Variants in SRC observed in about 807,000 individuals in gnomAD.
SRC encodes the protein proto-oncogene tyrosine-protein kinase Src.
A neutral mutation model predicts 62.9 loss-of-function variants in SRC; 13 were observed. The ratio of observed to expected loss-of-function variants is 0.21; its 90% CI spans 0.13 to 0.33. The LOEUF is 0.33. Ranked by LOEUF, SRC falls within the 10% of genes least tolerant of loss-of-function variation. The pLI is 1.00. For missense variants in SRC, 457 were observed against 737.3 expected, an observed-to-expected ratio of 0.62 and a Z score of 4.40; for synonymous variants, 302 against 317.5, an observed-to-expected ratio of 0.95 and a Z score of 0.52.
chr20:37,378,988 T>G (rs1248446509), intron 2 of SRC, among the ~76,000 whole-genome samples: 1 of 79,594 alleles, frequency 1.3e-5, no homozygotes, highest in Non-Finnish European at 2.3e-5. Context: ...TGTGCAGGGG[T>G]TGTCGCTGAG....
chr20:37,400,072 G>A (rs1425381162), intron 9 of SRC, 43 bp from the exon 10 acceptor site: 1 of 1,545,076 alleles, frequency 6.5e-7, no homozygotes, highest in East Asian at 2.3e-5. Context: ...TGTGGTAGGA[G>A]TTGGGGGGCT....
intron 2 of SRC, among the ~76,000 whole-genome samples, chr20:37,370,338 AC>A (rs1453604776): frequency 6.6e-6 from 1 of 152,168 alleles, no homozygotes; most frequent in South Asian, 2.1e-4. Context: ...ACTTTGGGAG[AC>A]CAAGGCGGGA....
intron 2 of SRC, among the ~76,000 whole-genome samples, chr20:37,370,831 G>C (rs2070151898): frequency 6.6e-6 from 1 of 152,084 alleles, no homozygotes; most frequent in Non-Finnish European, 1.5e-5. Flanking sequence ...GAGAAGAACT[G>C]GTATAATTTC....
At chr20:37,359,344 G>C (rs1477167147) in intron 1 of SRC, among the ~76,000 whole-genome samples, 1 of 152,244 alleles carries the variant, frequency 6.6e-6, no homozygotes, top group African/African-American at 2.4e-5. Context: ...ACATTCTAGA[G>C]GGGGAGACAG....
intron 2 of SRC, among the ~76,000 whole-genome samples, chr20:37,378,403 C>G (rs149715462): frequency 2.2e-3 from 329 of 152,240 alleles, no homozygotes; most frequent in African/African-American, 7.4e-3. Flanking sequence ...GCTACAGGTC[C>G]AGTACCACAT....
Position 37,403,995 on chromosome 20 carries a change from AG to A in SRC, c.*617del. On this transcript the variant is annotated 3_prime_UTR_variant, in exon 14 of 14. Transcript: ENST00000373578. This position sits in a 1 kb window ranked among gnomAD's most constrained non-coding sequence, Gnocchi z 7.1. ...TACCCCCTCAAACCCTGCCCTCCTT[AG>A]ACCTGAGGGACCCTTCGAGATCATC... 1 of 236,790 alleles carries A rather than the reference AG, an allele frequency of 4.2e-6. No homozygotes were observed. The allele number at this position is 236,790 out of a possible 1,614,324, so 14.7% of individuals were successfully genotyped here.
Position 37,396,077 on chromosome 20 carries a change from T to C in SRC, c.554-85T>C. 6.5e-7 allele frequency: 1 copy of C among 1,534,820 alleles called. No homozygotes were observed. The highest frequency in any genetic ancestry group is 1.2e-5 in the South Asian group (1 of 82,018). On this transcript the variant is annotated intron_variant, in intron 7 of 13. Transcript: ENST00000373578. The surrounding 1 kb of genome is among the most constrained non-coding windows in gnomAD (Gnocchi z 6.1). ...GCCTGGGCCTCCCTTCCCTCCAATG[T>C]CAGGCAGGCACAGAACGGTGTCCAG...
At position 37,402,263 on chromosome 20, in the gene SRC, C is replaced by T; in HGVS notation, c.1117-172C>T. 2 of 728,708 alleles carry T rather than the reference C, an allele frequency of 2.7e-6. No individual in the cohort carries two copies. The highest frequency in any genetic ancestry group is 1.8e-5 in the African/African-American group (1 of 56,410). The allele number at this position is 728,708 out of a possible 1,614,324, so 45.1% of individuals were successfully genotyped here. A position where few individuals can be genotyped will look rare whatever the true frequency, so the allele number is the denominator to read the frequency against. On this transcript the variant is annotated intron_variant, in intron 11 of 13. Coordinates refer to ENST00000373578, the MANE Select transcript of SRC (RefSeq NM_198291.3). The surrounding 1 kb of genome is among the most constrained non-coding windows in gnomAD (Gnocchi z 6.2). Reference sequence around the variant, plus strand: ...CCCTGTGCTCCCTACTCCCGCAGAGCACTGCTCCTGCTTTCGATGCCAACA... The same window carrying T: ...CCCTGTGCTCCCTACTCCCGCAGAGTACTGCTCCTGCTTTCGATGCCAACA...
upstream of SRC, among the ~76,000 whole-genome samples, chr20:37,345,965 C>G (rs1373790108): frequency 6.6e-6 from 1 of 151,746 alleles, no homozygotes; most frequent in Admixed American, 6.5e-5. Context: ...CCCGGGTCAC[C>G]GGCGGGGAAT....
intron 2 of SRC, among the ~76,000 whole-genome samples, chr20:37,381,588 A>G (rs2070365963): frequency 6.6e-6 from 1 of 152,182 alleles, no homozygotes; most frequent in Admixed American, 6.5e-5. Flanking sequence ...CTGAGGCAGG[A>G]CCTGGCTAAT....
rs1472684748 is a variant in SRC, at chr20:37,346,232, G to A, written c.-270G>A. On this transcript the variant is annotated 5_prime_UTR_variant, in exon 1 of 14. Coordinates refer to ENST00000373578, the MANE Select transcript of SRC (RefSeq NM_198291.3). ...CCCTCCCGTGCGTCCGTCTGCCGGT[G>A]AGCCCGCCCGCCCGCCGGCCCAGGT... is the stretch of plus-strand genomic sequence containing the variant. 1.3e-5 allele frequency: 2 copies of A among 150,594 alleles called. No homozygotes were observed. The highest frequency in any genetic ancestry group is 3.0e-5 in the Non-Finnish European group (2 of 67,298). 9.3% of individuals were successfully genotyped at this position (150,594 alleles called of 1,614,324 possible). A position where few individuals can be genotyped will look rare whatever the true frequency, so the allele number is the denominator to read the frequency against.
rs61476973 is a variant in SRC at position 37,360,218 on chromosome 20, C to CTTTTTTTTTTTT, written c.-246-4977_-246-4966dup. On this transcript the variant is annotated intron_variant, in intron 1 of 13. Transcript: ENST00000373578. The stretch of plus-strand genomic sequence containing the variant: ...AATTTCTTTCTCTTTCTCTCTCTCT[C>CTTTTTTTTTTTT]TTTTTTTTTTTTTTTTTTTTGGTGA... 2.4e-3 allele frequency among the ~76,000 whole-genome samples: 257 copies of CTTTTTTTTTTTT among 105,614 alleles called. 20 individuals carry two copies. The highest frequency in any genetic ancestry group is 8.4e-3 in the African/African-American group (176 of 20,932). The allele number at this position is 105,614 out of a possible 152,430, so 69.3% of individuals were successfully genotyped here.
chr20:37,382,072 C>G (rs744285), intron 2 of SRC, among the ~76,000 whole-genome samples: 1 of 152,130 alleles, frequency 6.6e-6, no homozygotes, highest in East Asian at 1.9e-4. Flanking sequence ...CAGCCTTGCC[C>G]GAGGACCCAG....
chr20:37,383,403 C>G (rs1253520824), intron 3 of SRC, among the ~76,000 whole-genome samples: 1 of 152,184 alleles, frequency 6.6e-6, no homozygotes, highest in African/African-American at 2.4e-5. Context: ...CTTTTAGCAC[C>G]TTTCCCCAGC....
chr20:37,358,730 C>A (rs115088162), intron 1 of SRC, among the ~76,000 whole-genome samples: 1 of 152,212 alleles, frequency 6.6e-6, no homozygotes, highest in African/African-American at 2.4e-5. Flanking sequence ...CTCTCCAGGG[C>A]GTGAGTTTGG....
chr20:37,356,749 C>T (rs1200582417), intron 1 of SRC, among the ~76,000 whole-genome samples: 1 of 152,118 alleles, frequency 6.6e-6, no homozygotes, highest in East Asian at 1.9e-4. Context: ...AGGGCTAGGC[C>T]TGATTGCCTC....
At position 37,397,593 on chromosome 20, in the gene SRC, C is replaced by G; in HGVS notation, c.704-106C>G. ...CTGGCTTTGAGGGCACCCTGCGTGT[C>G]CCCTGAAATCTGTGTGCATCTGGCA... On this transcript the variant is annotated intron_variant, in intron 8 of 13. Transcript: ENST00000373578. The surrounding 1 kb of genome is among the most constrained non-coding windows in gnomAD (Gnocchi z 4.1). 1 of 1,391,788 alleles carries G rather than the reference C, an allele frequency of 7.2e-7. No individual in the cohort carries two copies. The highest frequency in any genetic ancestry group is 9.4e-7 in the Non-Finnish European group (1 of 1,058,880). 86.2% of individuals were successfully genotyped at this position (1,391,788 alleles called of 1,614,324 possible). A position where few individuals can be genotyped will look rare whatever the true frequency, so the allele number is the denominator to read the frequency against.
Position 37,362,736 on chromosome 20 carries a change from TG to T in SRC, c.-246-2461del, listed in dbSNP as rs533819330. Among the ~76,000 whole-genome samples the T allele has an allele frequency of 1.4e-4, 20 of 141,184 alleles. No individual in the cohort carries two copies. The East Asian group carries it at 4.5e-3, about 32-fold the overall frequency. 92.6% of individuals were successfully genotyped at this position (141,184 alleles called of 152,430 possible). On this transcript the variant is annotated intron_variant, in intron 1 of 13. Transcript: ENST00000373578. ...CTCTGGGATGGTTCCTGGGGTGGGG[TG>T]GGGGGGTCTGCGAAGCCTCCTAACC... is the stretch of plus-strand genomic sequence containing the variant.
Position 37,405,477 on chromosome 20 carries a change from G to C in SRC, c.*2098G>C. ...GCTGGAAAGCGAGATGGGGCGGAAT[G>C]CGAGAACAAACTACCCCTTGAGGGG... On this transcript the variant is annotated 3_prime_UTR_variant, in exon 14 of 14. Transcript: ENST00000373578. The C allele has an allele frequency of 5.4e-6, 1 of 185,128 alleles. No homozygotes were observed. The highest frequency in any genetic ancestry group is 1.1e-5 in the Non-Finnish European group (1 of 87,274). The allele number at this position is 185,128 out of a possible 1,614,324, so 11.5% of individuals were successfully genotyped here. A position where few individuals can be genotyped will look rare whatever the true frequency, so the allele number is the denominator to read the frequency against.
Sources: allele counts gnomAD v4.1 joint callset (sites outside exome capture counted in the v4.1 genomes callset), GRCh38; gene constraint gnomAD v4.1.1; non-coding constraint Gnocchi (gnomAD v3.1); transcripts MANE v1.5; gene names NCBI Gene and HGNC (gene_info 2026-07-23, HGNC 2026-07-21).